The following IL1RAPL2 variants were observed in gnomAD, a reference collection of about 807,000 sequenced individuals.
IL1RAPL2 encodes the protein X-linked interleukin-1 receptor accessory protein-like 2.
In IL1RAPL2, 3 loss-of-function variants were observed where a neutral mutation model predicts 44.1. The observed-to-expected ratio is 0.07, with a 90% CI of 0.03 to 0.18. IL1RAPL2 has a LOEUF of 0.18. Ranked by LOEUF, IL1RAPL2 falls within the 10% of genes least tolerant of loss-of-function variation. The probability of loss-of-function intolerance (pLI) is 1.00; values close to 1 mark genes in which losing one functional copy is unlikely to be tolerated. For synonymous variants in IL1RAPL2, 181 were observed against 178.8 expected (o/e 1.01, Z -0.10); for missense variants, 391 against 496.4 (o/e 0.79, Z 2.02).
intron 5 of IL1RAPL2, among the ~76,000 whole-genome samples, chrX:105,309,300 G>A (rs1269503736): frequency 9.2e-6 from 1 of 108,695 alleles, no homozygotes; most frequent in Non-Finnish European, 1.9e-5. Flanking sequence ...GCCTCCCAAA[G>A]TGCTAGGATT....
At chrX:104,895,229 G>C (rs1305766081) in intron 2 of IL1RAPL2, among the ~76,000 whole-genome samples, 4 of 112,543 alleles carry the variant, frequency 3.6e-5, no homozygotes, top group Non-Finnish European at 7.5e-5. Context: ...CTACTCGGGG[G>C]TCAGGGACCC....
chrX:104,900,903 G>A (rs1039179322), intron 2 of IL1RAPL2, among the ~76,000 whole-genome samples: 2 of 111,459 alleles, frequency 1.8e-5, no homozygotes, highest in African/African-American at 6.5e-5. Context: ...GAACAATGGT[G>A]CAGCCTACTA....
At chrX:105,463,172 A>G (rs1391993410) in intron 5 of IL1RAPL2, among the ~76,000 whole-genome samples, 3 of 111,320 alleles carry the variant, frequency 2.7e-5, no homozygotes, top group Middle Eastern at 4.6e-3. Flanking sequence ...GGGTGAGTCC[A>G]TGGATTTTTC....
chrX:104,913,631 A>G (rs1321045383), intron 2 of IL1RAPL2, among the ~76,000 whole-genome samples: 7 of 111,973 alleles, frequency 6.3e-5, no homozygotes, highest in East Asian at 5.7e-4. Context: ...TACAAACCCA[A>G]TTAAAGGTAA....
In IL1RAPL2 at chrX:104,600,516, AT is replaced by A. The variant is rs556752168; in HGVS notation, c.-20+33473del. On this transcript the variant is annotated intron_variant, in intron 1 of 10. Transcript: ENST00000372582. ...GCAATTTTCTATATTGCTATTTTTA[AT>A]TTTTTTTCAACTTTTTTTTTTTAGA... Among the ~76,000 whole-genome samples the A allele has an allele frequency of 8.2e-5, 9 of 109,470 alleles. No homozygotes were observed. In the South Asian group the frequency reaches 1.9e-3, roughly 23 times the overall value.
At chrX:105,363,291 T>C (rs866488113) in intron 5 of IL1RAPL2, among the ~76,000 whole-genome samples, 1 of 70,290 alleles carries the variant, frequency 1.4e-5, no homozygotes, top group East Asian at 3.8e-4. Context: ...ATATATATAA[T>C]ATATATATAT....
intron 2 of IL1RAPL2, among the ~76,000 whole-genome samples, chrX:104,694,614 C>T (rs188169266): frequency 2.0e-4 from 22 of 110,345 alleles, no homozygotes; most frequent in South Asian, 7.8e-4. Flanking sequence ...CCCAGGAGGG[C>T]GGGCTAAAAA....
At chrX:105,227,956 A>G (rs2034033602) in intron 3 of IL1RAPL2, among the ~76,000 whole-genome samples, 3 of 111,327 alleles carry the variant, frequency 2.7e-5, no homozygotes, top group Admixed American at 1.9e-4. Flanking sequence ...ATCCCCCTTT[A>G]CTAGAAAACC....
At chrX:105,517,252 A>G (rs1419116703) in intron 6 of IL1RAPL2, among the ~76,000 whole-genome samples, 1 of 111,773 alleles carries the variant, frequency 8.9e-6, no homozygotes, top group African/African-American at 3.2e-5. Flanking sequence ...AGAAAAGACA[A>G]TCATACAAAT....
At chrX:105,060,951 G>T (rs1391788748) in intron 2 of IL1RAPL2, among the ~76,000 whole-genome samples, 1 of 110,333 alleles carries the variant, frequency 9.1e-6, no homozygotes, top group Non-Finnish European at 1.9e-5. Context: ...TTCTTAGTCT[G>T]ATTAAAGGTT....
chrX:105,602,870 G>A (rs1409093917), intron 6 of IL1RAPL2, among the ~76,000 whole-genome samples: 1 of 108,281 alleles, frequency 9.2e-6, no homozygotes, highest in Non-Finnish European at 1.9e-5. Flanking sequence ...AAGAAATAAA[G>A]TATTTCTCAG....
At chrX:104,784,328 A>G (rs139925190) in intron 2 of IL1RAPL2, among the ~76,000 whole-genome samples, 1 of 111,419 alleles carries the variant, frequency 9.0e-6, no homozygotes, top group East Asian at 2.8e-4. Context: ...AATTAAGAGG[A>G]GGTGGGGCAG....
At chrX:105,389,701 T>C (rs943093309) in intron 5 of IL1RAPL2, among the ~76,000 whole-genome samples, 17 of 111,656 alleles carry the variant, frequency 1.5e-4, no homozygotes, top group African/African-American at 5.5e-4. Flanking sequence ...TCCAGGATAG[T>C]TCTTTTTTAA....
At chrX:105,030,979 C>T (rs2031481518) in intron 2 of IL1RAPL2, among the ~76,000 whole-genome samples, 1 of 110,426 alleles carries the variant, frequency 9.1e-6, no homozygotes, top group South Asian at 3.9e-4. Context: ...AGTTGGATTC[C>T]TAGGTATTTT....
intron 5 of IL1RAPL2, among the ~76,000 whole-genome samples, chrX:105,323,526 TGA>T (rs2034911983): frequency 9.0e-6 from 1 of 111,516 alleles, no homozygotes; most frequent in African/African-American, 3.3e-5. Context: ...GTAAGCAACT[TGA>T]GAGACAGGAA....
intron 1 of IL1RAPL2, among the ~76,000 whole-genome samples, chrX:104,585,258 T>TA (rs1928493851): frequency 1.0e-4 from 3 of 29,132 alleles, no homozygotes; most frequent in Non-Finnish European, 1.5e-4. Flanking sequence ...ATATATAATA[T>TA]ATATATAATA....
At chrX:105,363,277 G>GTATATATATATAATA (rs1317407906) in intron 5 of IL1RAPL2, among the ~76,000 whole-genome samples, 11 of 81,048 alleles carry the variant, frequency 1.4e-4, no homozygotes, top group African/African-American at 5.1e-4. Context: ...ATATATGTGT[G>GTATATATATATAATA]TATATATATA....
chrX:104,600,279 C>A (rs1026618981), intron 1 of IL1RAPL2, among the ~76,000 whole-genome samples: 2 of 111,510 alleles, frequency 1.8e-5, no homozygotes, highest in South Asian at 7.6e-4. Context: ...CATTGAGAGT[C>A]CAGGCCTTGT....
chrX:105,458,489 T>C (rs1181845567), intron 5 of IL1RAPL2, among the ~76,000 whole-genome samples: 1 of 111,750 alleles, frequency 8.9e-6, no homozygotes, highest in Non-Finnish European at 1.9e-5. Context: ...TATGCAACCA[T>C]CACCAGAATC....
Sources: gnomAD v4.1 joint callset for allele counts (sites outside exome capture counted in the v4.1 genomes callset) on GRCh38, gnomAD v4.1.1 for gene constraint, MANE v1.5 for transcripts, NCBI Gene and HGNC (gene_info 2026-07-23, HGNC 2026-07-21) for gene names.